EPS15: variants seen among roughly 807,000 people sequenced by gnomAD.
EPS15 encodes epidermal growth factor receptor pathway substrate 15, also known as epidermal growth factor receptor substrate 15.
In EPS15, 72 loss-of-function variants were observed where a neutral mutation model predicts 113.8. That is an observed-to-expected ratio of 0.63 (90% CI 0.52 to 0.77). EPS15 has a LOEUF of 0.77. Among genes scored for constraint, EPS15 ranks in the 30% least tolerant of loss-of-function variants. The pLI, the probability that EPS15 is intolerant of heterozygous loss-of-function variation, is 0.00. For missense variants in EPS15, 1,048 were observed against 1,045.8 expected (o/e 1.00, Z -0.03); for synonymous variants, 344 against 363.4 (o/e 0.95, Z 0.61).
Position 51,465,246 on chromosome 1 carries a change from A to T in EPS15, c.375+15T>A, listed in dbSNP as rs996593600. The stretch of plus-strand genomic sequence containing the variant: ...GCAATGAAGGGGTGAGAGAATAGTT[A>T]CAAAGTTTACTTACTTTTACAGCCC... On this transcript the variant is annotated intron_variant, in intron 6 of 24. Transcript: ENST00000371733. 4 of 1,566,662 alleles carry T rather than the reference A, an allele frequency of 2.6e-6. No homozygotes were observed. In the African/African-American group the frequency reaches 4.1e-5, roughly 16 times the overall value.
rs563451731 is a variant in EPS15 at position 51,504,183 on chromosome 1, C to A, written c.33+15016G>T. On this transcript the variant is annotated intron_variant, in intron 1 of 24. Transcript: ENST00000371733. ...ATCCCAGCACTCTGGGAGGCGAAAG[C>A]GAGCATGTTGCCCAGGAGTTCAAGA... 3.7e-4 allele frequency among the ~76,000 whole-genome samples: 57 copies of A among 152,204 alleles called. 1 individual carries two copies. The highest frequency in any genetic ancestry group is 1.4e-3 in the African/African-American group (57 of 41,548).
chr1:51,456,968 T>C (rs1446069415), intron 8 of EPS15, among the ~76,000 whole-genome samples: 5 of 152,016 alleles, frequency 3.3e-5, no homozygotes, highest in African/African-American at 1.2e-4. Context: ...TCACAAAAAA[T>C]GTTCTAAGGT....
intron 1 of EPS15, among the ~76,000 whole-genome samples, chr1:51,504,622 AG>A (rs1447140594): frequency 6.6e-6 from 1 of 152,234 alleles, no homozygotes; most frequent in Non-Finnish European, 1.5e-5. Context: ...ATTTCTCTAA[AG>A]AAGACATACA....
intron 1 of EPS15, among the ~76,000 whole-genome samples, chr1:51,491,499 G>A (rs549153741): frequency 4.6e-4 from 70 of 152,264 alleles, no homozygotes; most frequent in African/African-American, 1.4e-3. Flanking sequence ...ATCTAGAAAA[G>A]GCTTGTATAT....
intron 13 of EPS15, among the ~76,000 whole-genome samples, chr1:51,417,212 AAAC>A (rs1023079777): frequency 6.6e-6 from 1 of 152,214 alleles, no homozygotes; most frequent in Non-Finnish European, 1.5e-5. Context: ...TTAAAATAAA[AAAC>A]ATGGACAAGT....
rs561734344 is a variant in EPS15, at chr1:51,447,384, A to T, written c.652-279T>A. On this transcript the variant is annotated intron_variant, in intron 9 of 24. Coordinates refer to ENST00000371733, the MANE Select transcript of EPS15 (RefSeq NM_001981.3). ...ATTCAAACATAGTTAACTCTTGACTAATGCCCACATTAATATAGGTAACTG... is the reference window on the plus strand; with the variant it reads ...ATTCAAACATAGTTAACTCTTGACTTATGCCCACATTAATATAGGTAACTG... Among the ~76,000 whole-genome samples the T allele has an allele frequency of 2.6e-5, 4 of 152,344 alleles. No homozygotes were observed. The East Asian group carries it at 7.7e-4, about 29-fold the overall frequency.
intron 1 of EPS15, among the ~76,000 whole-genome samples, chr1:51,495,806 C>A (rs1198245989): frequency 6.6e-6 from 1 of 151,950 alleles, no homozygotes; most frequent in Non-Finnish European, 1.5e-5. Flanking sequence ...GATTAATAAC[C>A]CAGAAATAAC....
rs545147155 is a variant in EPS15 at position 51,355,013 on chromosome 1, T to C, written c.*1687A>G. On this transcript the variant is annotated 3_prime_UTR_variant, in exon 25 of 25. Transcript: ENST00000371733. ...ACCTATCACAACTCCCAGTCAAATT[T>C]TGCAGAAAATCCTTAGGTCACTGGA... is the stretch of plus-strand genomic sequence containing the variant. The C allele has an allele frequency of 5.4e-5, 12 of 223,520 alleles. No individual in the cohort carries two copies. Among genetic ancestry groups the C allele is most frequent in the South Asian group, 1.8e-4 (1 of 5,434 alleles). 13.8% of individuals were successfully genotyped at this position (223,520 alleles called of 1,614,324 possible). A position where few individuals can be genotyped will look rare whatever the true frequency, so the allele number is the denominator to read the frequency against.
chr1:51,387,968 A>C (rs889982382), intron 21 of EPS15, among the ~76,000 whole-genome samples: 1 of 152,216 alleles, frequency 6.6e-6, no homozygotes, highest in African/African-American at 2.4e-5. Context: ...CACCAAGCAG[A>C]CCTAATAGAC....
chr1:51,446,916 T>C, intron 10 of EPS15, 44 bp downstream of exon 10: 1 of 1,501,278 alleles, frequency 6.7e-7, no homozygotes. Flanking sequence ...CTGGAATTGA[T>C]ACAAAACCAT....
chr1:51,396,166 C>T (rs1039536539), intron 20 of EPS15, among the ~76,000 whole-genome samples: 2 of 152,156 alleles, frequency 1.3e-5, no homozygotes, highest in African/African-American at 4.8e-5. Flanking sequence ...ACTTAGATAT[C>T]TGCAGAATAA....
chr1:51,496,621 T>A (rs1644328561), intron 1 of EPS15, among the ~76,000 whole-genome samples: 2 of 152,256 alleles, frequency 1.3e-5, no homozygotes. Context: ...TCGGCAATTA[T>A]GCCCAGAATC....
intron 5 of EPS15, among the ~76,000 whole-genome samples, chr1:51,467,966 TA>T (rs1295270417): frequency 2.6e-5 from 4 of 151,846 alleles, no homozygotes; most frequent in African/African-American, 9.7e-5. Context: ...TTTATATATA[TA>T]TATTTTTTTA....
At position 51,415,520 on chromosome 1, in the gene EPS15, G is replaced by C. The variant is rs539857402; in HGVS notation, c.1114-5824C>G. Among the ~76,000 whole-genome samples, 6 of 152,102 alleles carry C rather than the reference G, an allele frequency of 3.9e-5. No homozygotes were observed. The South Asian group carries it at 1.2e-3, about 32-fold the overall frequency. ...AAAGGTCTATAAAAATTCTGGGCCA[G>C]GCGTGGTGGCTCACGCCTGTAATCT... On this transcript the variant is annotated intron_variant, in intron 13 of 24. Transcript: ENST00000371733.
chr1:51,408,099 C>T (rs773481607), intron 15 of EPS15, 36 bp downstream of exon 15: 6 of 1,539,140 alleles, frequency 3.9e-6, no homozygotes, highest in Middle Eastern at 1.7e-4. Flanking sequence ...CACAGAGGAT[C>T]CATTTGAATA....
At chr1:51,376,233 C>A (rs111833035) in intron 21 of EPS15, among the ~76,000 whole-genome samples, 4 of 152,300 alleles carry the variant, frequency 2.6e-5, no homozygotes, top group African/African-American at 9.6e-5. Context: ...CCTAAGGCCC[C>A]TATGAATTAA....
intron 5 of EPS15, among the ~76,000 whole-genome samples, chr1:51,467,649 C>T (rs1165006072): frequency 6.6e-6 from 1 of 152,168 alleles, no homozygotes; most frequent in Admixed American, 6.5e-5. Flanking sequence ...AGCTGTATAG[C>T]AGGAGGTGAG....
intron 24 of EPS15, among the ~76,000 whole-genome samples, chr1:51,357,391 A>AATATAT (rs869072153): frequency 8.8e-4 from 58 of 65,714 alleles, no homozygotes; most frequent in Non-Finnish European, 1.1e-3. Flanking sequence ...AAAAAAAAAA[A>AATATAT]ATATATATAT....
chr1:51,431,309 T>C (rs981167096), intron 12 of EPS15, among the ~76,000 whole-genome samples: 3 of 152,010 alleles, frequency 2.0e-5, no homozygotes, highest in African/African-American at 7.2e-5. Flanking sequence ...TATTTATGGG[T>C]GTAAGTAACT....
Sources: allele counts gnomAD v4.1 joint callset (sites outside exome capture counted in the v4.1 genomes callset), GRCh38; gene constraint gnomAD v4.1.1; transcripts MANE v1.5; gene names NCBI Gene and HGNC (gene_info 2026-07-23, HGNC 2026-07-21).